The following BTNL2 variants were observed in gnomAD, a reference collection of about 807,000 sequenced individuals.
The protein encoded by BTNL2 is butyrophilin like 2.
BTNL2 carries 46 observed loss-of-function variants against 46.8 expected under a neutral mutation model. The observed-to-expected ratio is 0.98, with a 90% CI of 0.78 to 1.26. The LOEUF (loss-of-function observed/expected upper bound fraction) is 1.26. Ranked by LOEUF, BTNL2 falls within the 50% of genes most tolerant of loss-of-function variation. The probability of loss-of-function intolerance (pLI) is 0.00; values close to 1 mark genes in which losing one functional copy is unlikely to be tolerated. For synonymous variants in BTNL2, 226 were observed against 229.1 expected (o/e 0.99, Z 0.12); for missense variants, 461 against 592.6 (o/e 0.78, Z 2.31).
intron 4 of BTNL2, among the ~76,000 whole-genome samples, 199 bp downstream of exon 4, chr6:32,401,586 T>A (rs1414399445): frequency 1.3e-5 from 2 of 152,134 alleles, no homozygotes; most frequent in Non-Finnish European, 1.5e-5. Context: ...GCCCCCAAAG[T>A]GTCAGGTAAC....
intron 1 of BTNL2, among the ~76,000 whole-genome samples, chr6:32,405,807 G>GTTTTTTTTTT (rs56858224): frequency 7.8e-6 from 1 of 127,804 alleles, no homozygotes; most frequent in African/African-American, 2.7e-5. Flanking sequence ...TATAAAAACT[G>GTTTTTTTTTT]TTTTTTTTTT....
chr6:32,404,820 G>A (rs1404162358), intron 2 of BTNL2, 119 bp downstream of exon 2: 10 of 937,782 alleles, frequency 1.1e-5, no homozygotes, highest in African/African-American at 1.6e-5. Flanking sequence ...CAGGGTAGAG[G>A]ACTAAGCATT....
In BTNL2 at chr6:32,399,833, C is replaced by G. The variant is rs959880536; in HGVS notation, c.730+1952G>C. Among the ~76,000 whole-genome samples the G allele has an allele frequency of 6.6e-6, 1 of 152,150 alleles. No individual in the cohort carries two copies. The highest frequency in any genetic ancestry group is 1.5e-5 in the Non-Finnish European group (1 of 68,020). On this transcript the variant is annotated intron_variant, in intron 4 of 7. Transcript: ENST00000454136. This position sits in a 1 kb window ranked among gnomAD's most constrained non-coding sequence, Gnocchi z 5.2. The stretch of plus-strand genomic sequence containing the variant: ...TTTGTAAGACTACAAGCAGTGATTT[C>G]AGTCTTAGGACTTCCATAGAGAGCT...
rs564548064 is a variant in BTNL2 at position 32,393,910 on chromosome 6, G to A, written c.*6+53C>T. On this transcript the variant is annotated intron_variant, in intron 7 of 7. Coordinates refer to ENST00000454136, the MANE Select transcript of BTNL2 (RefSeq NM_001304561.2). This position sits in a 1 kb window ranked among gnomAD's most constrained non-coding sequence, Gnocchi z 4.8. Reference sequence around the variant, plus strand: ...TGAAAAGGGAGGCTCGGGGAAGTACGCAGTACGGTTCCCACTGCAGTGTGC... The same window carrying A: ...TGAAAAGGGAGGCTCGGGGAAGTACACAGTACGGTTCCCACTGCAGTGTGC... 20 of 1,541,072 alleles carry A rather than the reference G, an allele frequency of 1.3e-5. No homozygotes were observed. Among genetic ancestry groups the A allele is most frequent in the African/African-American group, 4.1e-5 (3 of 72,782 alleles).
intron 4 of BTNL2, among the ~76,000 whole-genome samples, chr6:32,397,911 C>T (rs116887861): frequency 0.012 from 1,860 of 152,340 alleles, 69 homozygotes; most frequent in East Asian, 0.11. Flanking sequence ...TTCCCCAATG[C>T]TCCACATAGG....
intron 2 of BTNL2, chr6:32,403,858 T>G (rs1010004546): frequency 1.3e-5 from 2 of 152,382 alleles, no homozygotes; most frequent in Non-Finnish European, 2.9e-5. Flanking sequence ...TTTTCTCTAT[T>G]TAACGTGAAA....
At position 32,396,484 on chromosome 6, in the gene BTNL2, C is replaced by G; in HGVS notation, c.731-98G>C. 8.2e-7 allele frequency: 1 copy of G among 1,226,106 alleles called. No individual in the cohort carries two copies. The highest frequency in any genetic ancestry group is 1.2e-6 in the Non-Finnish European group (1 of 863,986). 76.0% of individuals were successfully genotyped at this position (1,226,106 alleles called of 1,614,324 possible). ...TCCATTGGAGTTTAGAAACCATGAG[C>G]ATCCCAGGGTTGCTGTGAGGCTCAG... On this transcript the variant is annotated intron_variant, in intron 4 of 7. Transcript: ENST00000454136. The surrounding 1 kb of genome is among the most constrained non-coding windows in gnomAD (Gnocchi z 4.4).
In BTNL2 at chr6:32,405,204, G is replaced by A. The variant is rs770115904; in HGVS notation, c.162C>T (p.Pro54=). The change falls in exon 2 of 8, where the codon CCC becomes CCT. Residue 54 remains proline (P), a synonymous_variant. Coordinates refer to ENST00000454136, the MANE Select transcript of BTNL2 (RefSeq NM_001304561.2). ...CCTCCACGTGCATTGTGGTCCTCTT[G>A]GGGAGTAGCTGGCAGGTTAACAGGG... ...EDALLTCQLL[P]KRTTMHVEVR... The A allele has an allele frequency of 1.9e-6, 3 of 1,613,022 alleles. No individual in the cohort carries two copies. The highest frequency in any genetic ancestry group is 2.5e-6 in the Non-Finnish European group (3 of 1,180,024).
At chr6:32,398,576 A>G (rs1413674688) in intron 4 of BTNL2, among the ~76,000 whole-genome samples, 1 of 152,204 alleles carries the variant, frequency 6.6e-6, no homozygotes, top group Non-Finnish European at 1.5e-5. Context: ...CTTACGGTAA[A>G]TTACTTAATA....
chr6:32,394,790 G>A lies in BTNL2; in HGVS notation c.1314C>T (p.Ser438=), dbSNP rs1201691584. Residue 438 remains serine, a synonymous_variant, in exon 6 of 8, where the codon AGC becomes AGT. Coordinates refer to ENST00000454136, the MANE Select transcript of BTNL2 (RefSeq NM_001304561.2). This position sits in a 1 kb window ranked among gnomAD's most constrained non-coding sequence, Gnocchi z 4.6. ...ISAVDVTCSI[S]IPFLGEEKIA... ...TTTTCTCCTCGCCCAAAAAGGGGAT[G>A]CTGATGGAACAAGTGACGTCCACAG... 5.6e-6 allele frequency: 9 copies of A among 1,614,074 alleles called. No homozygotes were observed. Among genetic ancestry groups the A allele is most frequent in the Non-Finnish European group, 7.6e-6 (9 of 1,179,918 alleles).
chr6:32,401,035 C>T (rs572833716), intron 4 of BTNL2, among the ~76,000 whole-genome samples: 1 of 136,256 alleles, frequency 7.3e-6, no homozygotes, highest in East Asian at 3.4e-4. Context: ...GGTGAAATCT[C>T]GTCTCTACTA....
At chr6:32,406,850 ACTTT>A (rs1777184304) in intron 1 of BTNL2, 191 bp downstream of exon 1, 2 of 515,114 alleles carry the variant, frequency 3.9e-6, no homozygotes, top group Non-Finnish European at 7.0e-6. Context: ...TGCTCAAGTA[ACTTT>A]CCAAAGGTGA....
At chr6:32,402,112 C>T (rs746534376) in intron 3 of BTNL2, among the ~76,000 whole-genome samples, 1 of 152,030 alleles carries the variant, frequency 6.6e-6, no homozygotes, top group Non-Finnish European at 1.5e-5. Context: ...TTTATAGATA[C>T]ACAGAAAGTA....
At chr6:32,402,463 G>A (rs1406838245) in intron 3 of BTNL2, among the ~76,000 whole-genome samples, 1 of 151,930 alleles carries the variant, frequency 6.6e-6, no homozygotes, top group South Asian at 2.1e-4. Context: ...ATGCTATAAT[G>A]TATAGTAAGA....
In BTNL2 at chr6:32,400,791, T is replaced by C. The variant is rs372297423; in HGVS notation, c.730+994A>G. Among the ~76,000 whole-genome samples the C allele has an allele frequency of 1.3e-4, 18 of 140,278 alleles. 5 individuals carry two copies. The East Asian group carries it at 1.6e-3, about 12-fold the overall frequency. 92.0% of individuals were successfully genotyped at this position (140,278 alleles called of 152,430 possible). A position where few individuals can be genotyped will look rare whatever the true frequency, so the allele number is the denominator to read the frequency against. ...AGCTGGGTGTGGTGGCGCATGCCTGTAGTCCCAGTTACTCAGGAGGCTGAA... is the reference window on the plus strand; with the variant it reads ...AGCTGGGTGTGGTGGCGCATGCCTGCAGTCCCAGTTACTCAGGAGGCTGAA... On this transcript the variant is annotated intron_variant, in intron 4 of 7. Coordinates refer to ENST00000454136, the MANE Select transcript of BTNL2 (RefSeq NM_001304561.2).
Position 32,399,945 on chromosome 6 carries a change from A to G in BTNL2, c.730+1840T>C, listed in dbSNP as rs2294880. Among the ~76,000 whole-genome samples the G allele has an allele frequency of 0.23, 35,572 of 151,978 alleles. 4,409 individuals carry two copies. Among genetic ancestry groups the G allele is most frequent in the Admixed American group, 0.29 (4,461 of 15,272 alleles). ...CTGACAGGAAGCAAAGGGAAGCTCC[A>G]TCTTTCCGTGTTGGTTAATTGTGGC... is the stretch of plus-strand genomic sequence containing the variant. On this transcript the variant is annotated intron_variant, in intron 4 of 7. Coordinates refer to ENST00000454136, the MANE Select transcript of BTNL2 (RefSeq NM_001304561.2). This position sits in a 1 kb window ranked among gnomAD's most constrained non-coding sequence, Gnocchi z 5.2.
intron 2 of BTNL2, among the ~76,000 whole-genome samples, chr6:32,404,110 GA>G (rs80079921): frequency 2.7e-5 from 4 of 150,566 alleles, no homozygotes; most frequent in South Asian, 2.1e-4. Context: ...TGGATGTTAA[GA>G]AAAAAAAAGG....
rs148835240 is a variant in BTNL2, at chr6:32,399,795, A to G, written c.730+1990T>C. On this transcript the variant is annotated intron_variant, in intron 4 of 7. Coordinates refer to ENST00000454136, the MANE Select transcript of BTNL2 (RefSeq NM_001304561.2). The surrounding 1 kb of genome is among the most constrained non-coding windows in gnomAD (Gnocchi z 5.2). ...TTTTTAAAAACTATTATTTTTATAAATGAAAAACATTATTTGTAAGACTAC... is the reference window on the plus strand; with the variant it reads ...TTTTTAAAAACTATTATTTTTATAAGTGAAAAACATTATTTGTAAGACTAC... Among the ~76,000 whole-genome samples, 1 of 152,230 alleles carries G rather than the reference A, an allele frequency of 6.6e-6. No individual in the cohort carries two copies. The highest frequency in any genetic ancestry group is 2.4e-5 in the African/African-American group (1 of 41,454).
In BTNL2 at chr6:32,394,028, GT is replaced by G; in HGVS notation, c.1389del (p.Leu464CysfsTer12). 2 of 1,550,214 alleles carry G rather than the reference GT, an allele frequency of 1.3e-6. No homozygotes were observed. Among genetic ancestry groups the G allele is most frequent in the Non-Finnish European group, 1.7e-6 (2 of 1,146,738 alleles). On this transcript the variant is annotated frameshift_variant, in exon 7 of 8. Transcript: ENST00000454136. LOFTEE classifies it low-confidence loss of function (END_TRUNC). This position sits in a 1 kb window ranked among gnomAD's most constrained non-coding sequence, Gnocchi z 4.6. ...SESRMTFLWK[T>X]LLVWGLLLAV... ...GCAAGAAGCAATCCCCAAACAAGCA[GT>G]GTTTTCCACAAAAACGTCATCCTGG...
Sources: gnomAD v4.1 joint callset for allele counts (sites outside exome capture counted in the v4.1 genomes callset) on GRCh38, gnomAD v4.1.1 for gene constraint, Gnocchi (gnomAD v3.1) non-coding constraint, MANE v1.5 for transcripts, NCBI Gene and HGNC (gene_info 2026-07-23, HGNC 2026-07-21) for gene names.